Variants in FGF12 observed in about 807,000 individuals in gnomAD.
FGF12 encodes the protein fibroblast growth factor 12B.
Under a neutral mutation model 23.6 loss-of-function variants are expected in FGF12, and 14 were observed. That is an observed-to-expected ratio of 0.59 (90% CI 0.39 to 0.93). The LOEUF (loss-of-function observed/expected upper bound fraction) is 0.93, where lower values mean the gene tolerates loss of function less well. Among genes scored for constraint, FGF12 ranks in the 40% least tolerant of loss-of-function variants. FGF12 has a pLI of 0.00. For synonymous variants in FGF12, 62 were observed against 77.3 expected (o/e 0.80, Z 1.04); for missense variants, 175 against 217.8 (o/e 0.80, Z 1.24).
chr3:192,721,549 T>C (rs911441248), intron 2 of FGF12, among the ~76,000 whole-genome samples: 1 of 152,116 alleles, frequency 6.6e-6, no homozygotes, highest in Non-Finnish European at 1.5e-5. Context: ...GGAAACCCAA[T>C]ATTAAGAGAT....
chr3:192,202,604 T>C (rs1353023575), intron 4 of FGF12, among the ~76,000 whole-genome samples: 1 of 152,156 alleles, frequency 6.6e-6, no homozygotes, highest in East Asian at 1.9e-4. Context: ...ATCAAGAAAA[T>C]ATTTAATTTT....
At chr3:192,476,317 A>G (rs776280387) in intron 2 of FGF12, among the ~76,000 whole-genome samples, 7 of 151,870 alleles carry the variant, frequency 4.6e-5, no homozygotes, top group Non-Finnish European at 1.0e-4. Flanking sequence ...TTGTTTACAG[A>G]TGAAAAAAAA....
chr3:192,537,887 T>C (rs867770384), intron 2 of FGF12, among the ~76,000 whole-genome samples: 3 of 150,616 alleles, frequency 2.0e-5, no homozygotes, highest in Middle Eastern at 6.8e-3. Flanking sequence ...TGTTGTGGAG[T>C]GTTTTCCCAA....
intron 4 of FGF12, among the ~76,000 whole-genome samples, chr3:192,323,425 C>T (rs1716650644): frequency 6.6e-6 from 1 of 152,112 alleles, no homozygotes; most frequent in Non-Finnish European, 1.5e-5. Flanking sequence ...ATTGATAGAA[C>T]TGGAAGATGT....
At chr3:192,647,622 C>T (rs1716051500) in intron 2 of FGF12, among the ~76,000 whole-genome samples, 1 of 150,744 alleles carries the variant, frequency 6.6e-6, no homozygotes, top group Non-Finnish European at 1.5e-5. Flanking sequence ...TTCATATCAA[C>T]CTGGGGAACA....
intron 4 of FGF12, among the ~76,000 whole-genome samples, chr3:192,223,168 C>A (rs1416038036): frequency 6.6e-6 from 1 of 152,090 alleles, no homozygotes; most frequent in Non-Finnish European, 1.5e-5. Context: ...TTACTAGAGG[C>A]GCCTGAACAC....
intron 2 of FGF12, among the ~76,000 whole-genome samples, chr3:192,498,588 G>A (rs1310853571): frequency 2.6e-5 from 4 of 151,746 alleles, no homozygotes; most frequent in African/African-American, 7.3e-5. Context: ...CACACACTTT[G>A]TAAGAGTCTA....
chr3:192,399,893 A>C (rs927417174), intron 2 of FGF12, among the ~76,000 whole-genome samples: 22 of 152,208 alleles, frequency 1.4e-4, no homozygotes, highest in Non-Finnish European at 1.6e-4. Flanking sequence ...AACGAAGAAA[A>C]GACTCTATAG....
In FGF12 at chr3:192,324,993, C is replaced by A. The variant is rs573803670; in HGVS notation, c.228+10368G>T. On this transcript the variant is annotated intron_variant, in intron 4 of 5. Coordinates refer to ENST00000445105, the MANE Select transcript of FGF12 (RefSeq NM_004113.6). ...AAGTTATAAACTCTTAGAAAAAAAA[C>A]CAACACTATTTACTATGAATACATT... Among the ~76,000 whole-genome samples, 363 of 152,060 alleles carry A rather than the reference C, an allele frequency of 2.4e-3. 3 individuals carry two copies. The highest frequency in any genetic ancestry group is 8.4e-3 in the African/African-American group (347 of 41,498).
chr3:192,707,628 C>T (rs181490366), intron 2 of FGF12, among the ~76,000 whole-genome samples: 65 of 150,968 alleles, frequency 4.3e-4, no homozygotes, highest in African/African-American at 1.5e-3. Flanking sequence ...TGCCTGTAAT[C>T]CCAGCTACTC....
At chr3:192,565,027 T>C (rs1712212523) in intron 2 of FGF12, among the ~76,000 whole-genome samples, 1 of 152,230 alleles carries the variant, frequency 6.6e-6, no homozygotes, top group Non-Finnish European at 1.5e-5. Context: ...ATAAAACATT[T>C]TGAACAGAGC....
intron 2 of FGF12, among the ~76,000 whole-genome samples, chr3:192,552,266 C>T (rs1711557975): frequency 6.6e-6 from 1 of 151,672 alleles, no homozygotes; most frequent in South Asian, 2.1e-4. Context: ...CAAGCAGAGC[C>T]CTGGTACCTC....
intron 2 of FGF12, among the ~76,000 whole-genome samples, chr3:192,405,285 C>A (rs1411666343): frequency 1.3e-5 from 2 of 151,072 alleles, no homozygotes; most frequent in Non-Finnish European, 2.9e-5. Context: ...TTTCAGGATC[C>A]CCACTGTATT....
At position 192,592,401 on chromosome 3, in the gene FGF12, G is replaced by A. The variant is rs141601946; in HGVS notation, c.13+134780C>T. 3.2e-3 allele frequency among the ~76,000 whole-genome samples: 492 copies of A among 151,846 alleles called. 4 individuals carry two copies. Among genetic ancestry groups the A allele is most frequent in the African/African-American group, 0.012 (481 of 41,460 alleles). On this transcript the variant is annotated intron_variant, in intron 2 of 5. Coordinates refer to ENST00000445105, the MANE Select transcript of FGF12 (RefSeq NM_004113.6). Reference sequence around the variant, plus strand: ...CCACCAGCATCTCTGGCCCTTTCACGGGTCCTGGTAAAGTGGTATTTGCAA... The same window carrying A: ...CCACCAGCATCTCTGGCCCTTTCACAGGTCCTGGTAAAGTGGTATTTGCAA...
chr3:192,245,866 G>GC (rs1179105090), intron 4 of FGF12, among the ~76,000 whole-genome samples: 1 of 152,164 alleles, frequency 6.6e-6, no homozygotes, highest in East Asian at 1.9e-4. Context: ...ACAGACAACA[G>GC]AGTCCTTGCT....
At chr3:192,181,629 GTT>G (rs72218051) in intron 4 of FGF12, among the ~76,000 whole-genome samples, 12,932 of 127,132 alleles carry the variant, frequency 0.1, 545 homozygotes, top group East Asian at 0.14. Flanking sequence ...GAAGTAATTT[GTT>G]TTTTTTTTTT....
At chr3:192,229,796 C>T (rs1161854959) in intron 4 of FGF12, among the ~76,000 whole-genome samples, 1 of 152,118 alleles carries the variant, frequency 6.6e-6, no homozygotes, top group African/African-American at 2.4e-5. Flanking sequence ...GCGATCTACT[C>T]ATGGAATCCG....
At chr3:192,553,941 C>T (rs919980508) in intron 2 of FGF12, among the ~76,000 whole-genome samples, 1 of 152,182 alleles carries the variant, frequency 6.6e-6, no homozygotes, top group South Asian at 2.1e-4. Context: ...CTATACCCTT[C>T]CCCTCTGGCT....
intron 2 of FGF12, among the ~76,000 whole-genome samples, chr3:192,655,863 G>A (rs1716390499): frequency 1.3e-5 from 2 of 151,924 alleles, no homozygotes. Flanking sequence ...ATAGAGATGG[G>A]GGAATGGGAA....
Sources: allele counts gnomAD v4.1 joint callset (sites outside exome capture counted in the v4.1 genomes callset), GRCh38; gene constraint gnomAD v4.1.1; transcripts MANE v1.5; gene names NCBI Gene and HGNC (gene_info 2026-07-23, HGNC 2026-07-21).